The following TTC3 variants were observed in gnomAD, a reference collection of about 807,000 sequenced individuals.
TTC3 encodes tetratricopeptide repeat domain 3.
Under a neutral mutation model 249.6 loss-of-function variants are expected in TTC3, and 180 were observed. The ratio of observed to expected loss-of-function variants is 0.72; its 90% CI spans 0.64 to 0.82. The LOEUF is 0.82. Among genes scored for constraint, TTC3 ranks in the 40% least tolerant of loss-of-function variants. TTC3 has a pLI of 0.00. For synonymous variants in TTC3, 717 were observed against 805.0 expected (o/e 0.89, Z 1.85); for missense variants, 2,061 against 2,398.4 (o/e 0.86, Z 2.94).
chr21:37,082,940 G>A, intron 1 of TTC3: 1 of 982,524 alleles, frequency 1.0e-6, no homozygotes, highest in Non-Finnish European at 1.2e-6. Flanking sequence ...GTTAAGATTT[G>A]AGTTATCCTA....
In TTC3 at chr21:37,188,525, G is replaced by A; in HGVS notation, c.4954G>A (p.Glu1652Lys). ...CGTACTTGAAAACTGGAAGGAGAGT[G>A]AAGTGTATAAGCTACAGATCATGGA... Residue 1652 changes from glutamate to lysine, a missense_variant, in exon 39 of 46, where the codon GAA becomes AAA. Glu to Lys is a moderately conservative substitution (Grantham distance 56). Transcript: ENST00000355666. 6.2e-7 allele frequency: 1 copy of A among 1,613,916 alleles called. No homozygotes were observed.
chr21:37,105,931 T>A (rs951204920), intron 10 of TTC3, among the ~76,000 whole-genome samples: 2 of 152,192 alleles, frequency 1.3e-5, no homozygotes, highest in African/African-American at 2.4e-5. Context: ...AACATATGTA[T>A]TTATTTCTGT....
At chr21:37,166,433 C>T (rs766944437) in exon 33 of TTC3, 1 of 1,614,170 alleles carries the variant, frequency 6.2e-7, no homozygotes, top group Non-Finnish European at 8.5e-7. Context: ...AACACAGATC[C>T]TTGAGGGCTC....
intron 18 of TTC3, 85 bp downstream of exon 18, chr21:37,135,599 T>C: frequency 1.3e-6 from 2 of 1,490,126 alleles, no homozygotes; most frequent in South Asian, 1.3e-5. Context: ...TAACTCATTG[T>C]AGTAATGTAC....
intron 42 of TTC3, 84 bp downstream of exon 42, chr21:37,196,120 G>A (rs535267017): frequency 6.6e-7 from 1 of 1,526,164 alleles, no homozygotes; most frequent in Non-Finnish European, 8.8e-7. Context: ...GGCTAGTTAG[G>A]TGTTAACATG....
intron 35 of TTC3, among the ~76,000 whole-genome samples, chr21:37,174,690 A>G (rs1216023022): frequency 6.6e-6 from 1 of 152,206 alleles, no homozygotes; most frequent in Non-Finnish European, 1.5e-5. Context: ...ATCTGAGTGC[A>G]TTAGAGTCCC....
At chr21:37,168,784 C>T (rs969765569) in intron 34 of TTC3, among the ~76,000 whole-genome samples, 3 of 152,092 alleles carry the variant, frequency 2.0e-5, no homozygotes, top group African/African-American at 7.2e-5. Context: ...CTCACAATTT[C>T]GCTAAGTCAG....
At chr21:37,124,479 G>A in intron 13 of TTC3, 140 bp from the exon 14 acceptor site, 2 of 799,818 alleles carry the variant, frequency 2.5e-6, no homozygotes, top group Non-Finnish European at 1.9e-6. Flanking sequence ...TATGTATAAA[G>A]CCCCATCTCA....
At chr21:37,198,441 A>C (rs1029235618) in intron 44 of TTC3, among the ~76,000 whole-genome samples, 2 of 152,206 alleles carry the variant, frequency 1.3e-5, no homozygotes, top group African/African-American at 2.4e-5. Flanking sequence ...AGATGTGTCA[A>C]TGTGTCGTGT....
intron 8 of TTC3, among the ~76,000 whole-genome samples, chr21:37,094,937 C>G (rs2073750023): frequency 6.6e-6 from 1 of 151,930 alleles, no homozygotes; most frequent in South Asian, 2.1e-4. Flanking sequence ...AGTTCAAGAC[C>G]AGCTGGGGTA....
intron 25 of TTC3, among the ~76,000 whole-genome samples, chr21:37,151,402 C>A (rs1000457092): frequency 6.6e-6 from 1 of 151,452 alleles, no homozygotes; most frequent in African/African-American, 2.4e-5. Flanking sequence ...GTTTTTCTTT[C>A]TAAGAAGTGA....
intron 35 of TTC3, among the ~76,000 whole-genome samples, chr21:37,175,668 A>G (rs974752956): frequency 6.6e-6 from 1 of 151,734 alleles, no homozygotes; most frequent in Non-Finnish European, 1.5e-5. Context: ...GAGGTATTAT[A>G]TATAGCTGAT....
chr21:37,172,688 T>A (rs1363498822), exon 35 of TTC3: 1 of 1,613,954 alleles, frequency 6.2e-7, no homozygotes, highest in Non-Finnish European at 8.5e-7. Context: ...ACTTAAGGGC[T>A]TAGAAGAGAC....
intron 20 of TTC3, among the ~76,000 whole-genome samples, chr21:37,143,420 A>C (rs968872805): frequency 2.0e-5 from 3 of 152,128 alleles, no homozygotes; most frequent in African/African-American, 7.2e-5. Context: ...ACCCCATCAA[A>C]AAGTGGGCAA....
At chr21:37,172,858 ATTCT>A (rs1351254550) in intron 35 of TTC3, 114 bp downstream of exon 35, 36 of 1,268,226 alleles carry the variant, frequency 2.8e-5, no homozygotes, top group Non-Finnish European at 3.6e-5. Flanking sequence ...TAAACAAAAG[ATTCT>A]TTCTCAGAAT....
At chr21:37,175,597 CAA>C (rs1175943574) in intron 35 of TTC3, among the ~76,000 whole-genome samples, 8 of 42,868 alleles carry the variant, frequency 1.9e-4, no homozygotes, top group African/African-American at 2.5e-4. Flanking sequence ...GACTCCATCT[CAA>C]AAAAAAAAAA....
intron 10 of TTC3, among the ~76,000 whole-genome samples, chr21:37,107,087 T>G (rs1601468776): frequency 2.0e-5 from 3 of 152,212 alleles, no homozygotes; most frequent in African/African-American, 7.2e-5. Context: ...TTTTTTTTTT[T>G]TTTTGTACGT....
At chr21:37,146,929 C>A (rs2079034688) in intron 21 of TTC3, among the ~76,000 whole-genome samples, 1 of 152,118 alleles carries the variant, frequency 6.6e-6, no homozygotes, top group Non-Finnish European at 1.5e-5. Flanking sequence ...GGGATAGAGG[C>A]ATAGGAGCTA....
chr21:37,125,940 A>T, intron 14 of TTC3, 140 bp from the exon 15 acceptor site: 1 of 645,696 alleles, frequency 1.5e-6, no homozygotes, highest in Non-Finnish European at 2.5e-6. Context: ...TTATACATTT[A>T]GGCTTAATAA....
Sources: allele counts gnomAD v4.1 joint callset (sites outside exome capture counted in the v4.1 genomes callset), GRCh38; gene constraint gnomAD v4.1.1; transcripts MANE v1.5; gene names NCBI Gene and HGNC (gene_info 2026-07-23, HGNC 2026-07-21).